MRPL13: variants seen among roughly 807,000 people sequenced by gnomAD.
MRPL13 encodes mitochondrial ribosomal protein L13, also known as large ribosomal subunit protein uL13m.
A neutral mutation model predicts 29.0 loss-of-function variants in MRPL13; 33 were observed. The observed-to-expected ratio is 1.14, with a 90% CI of 0.86 to 1.52. The LOEUF is 1.52. Among genes scored for constraint, MRPL13 ranks in the 40% most tolerant of loss-of-function variants. The probability of loss-of-function intolerance (pLI) is 0.00; values close to 1 mark genes in which losing one functional copy is unlikely to be tolerated. For synonymous variants in MRPL13, 77 were observed against 68.4 expected (o/e 1.13, Z -0.62); for missense variants, 227 against 216.7 (o/e 1.05, Z -0.30).
intron 6 of MRPL13, among the ~76,000 whole-genome samples, chr8:120,403,812 C>T (rs796680211): frequency 3.9e-5 from 6 of 152,202 alleles, no homozygotes; most frequent in African/African-American, 1.2e-4. Context: ...ACCCCATAGC[C>T]TACCTAAGAA....
intron 5 of MRPL13, among the ~76,000 whole-genome samples, chr8:120,419,224 T>C (rs931964463): frequency 1.4e-4 from 22 of 151,954 alleles, no homozygotes; most frequent in African/African-American, 5.3e-4. Flanking sequence ...AGTCAGTAAA[T>C]AATGGGGCAC....
intron 6 of MRPL13, among the ~76,000 whole-genome samples, chr8:120,410,715 C>T (rs906295711): frequency 6.6e-6 from 1 of 152,094 alleles, no homozygotes; most frequent in African/African-American, 2.4e-5. Context: ...TCAACAGTAG[C>T]TAATGTATTT....
At chr8:120,401,723 G>A (rs1812599673) in intron 6 of MRPL13, among the ~76,000 whole-genome samples, 1 of 152,148 alleles carries the variant, frequency 6.6e-6, no homozygotes, top group Non-Finnish European at 1.5e-5. Context: ...TCTGTTTGCA[G>A]ATGACATGAC....
chr8:120,422,591 T>C (rs1287813607), intron 4 of MRPL13, among the ~76,000 whole-genome samples: 3 of 148,376 alleles, frequency 2.0e-5, no homozygotes, highest in African/African-American at 7.3e-5. Flanking sequence ...TATATAAACA[T>C]ATATAAACAT....
intron 5 of MRPL13, chr8:120,415,700 T>C (rs1394727537): frequency 6.6e-6 from 1 of 152,164 alleles, no homozygotes. Context: ...TTTAACATCC[T>C]TTCTCCTATT....
In MRPL13 at chr8:120,424,092, C is replaced by T. The variant is rs966427571; in HGVS notation, c.306+1214G>A. On this transcript the variant is annotated intron_variant, in intron 4 of 6. Transcript: ENST00000306185. ...AATAAAAACATCTATAACAGAATAA[C>T]TTAGTAAAGTGTAAAAAATGAAATA... Among the ~76,000 whole-genome samples, 4 of 151,836 alleles carry T rather than the reference C, an allele frequency of 2.6e-5. No homozygotes were observed. In the South Asian group the frequency reaches 8.3e-4, roughly 31 times the overall value.
At position 120,445,052 on chromosome 8, in the gene MRPL13, A is replaced by G. The variant is rs747992225; in HGVS notation, c.27+16T>C. 13 of 1,613,672 alleles carry G rather than the reference A, an allele frequency of 8.1e-6. No individual in the cohort carries two copies. The highest frequency in any genetic ancestry group is 5.0e-5 in the Admixed American group (3 of 59,988). On this transcript the variant is annotated intron_variant, in intron 1 of 6. Coordinates refer to ENST00000306185, the MANE Select transcript of MRPL13 (RefSeq NM_014078.6). ...AGTATAATGAACCCCATCAAGCCATAAGAGTCCGAGCTCACCTGGGGCGCC... is the reference window on the plus strand; with the variant it reads ...AGTATAATGAACCCCATCAAGCCATGAGAGTCCGAGCTCACCTGGGGCGCC...
intron 3 of MRPL13, among the ~76,000 whole-genome samples, chr8:120,428,213 T>G (rs1050863922): frequency 5.3e-5 from 8 of 151,222 alleles, no homozygotes; most frequent in African/African-American, 1.9e-4. Context: ...TATTTGATCT[T>G]TGACAAACCT....
chr8:120,409,581 AT>A (rs1271735982), intron 6 of MRPL13, among the ~76,000 whole-genome samples: 2 of 152,204 alleles, frequency 1.3e-5, no homozygotes, highest in Non-Finnish European at 2.9e-5. Flanking sequence ...AAGAAAAAAA[AT>A]CTAAGTATAA....
chr8:120,396,265 GAAAA>G, intron 6 of MRPL13, 140 bp from the exon 7 acceptor site: 1 of 610,024 alleles, frequency 1.6e-6, no homozygotes, highest in East Asian at 3.1e-5. Flanking sequence ...AATTTTTGGT[GAAAA>G]AAAAACATTA....
rs376833020 is a variant in MRPL13, at chr8:120,405,290, A to G, written c.515+8701T>C. Among the ~76,000 whole-genome samples the G allele has an allele frequency of 2.6e-5, 4 of 152,210 alleles. No homozygotes were observed. The East Asian group carries it at 5.8e-4, about 22-fold the overall frequency. The stretch of plus-strand genomic sequence containing the variant: ...ACAAGCATACACACAACTTTTCTGT[A>G]TTGCTTATTCCTTTCCACTAAAACA... On this transcript the variant is annotated intron_variant, in intron 6 of 6. Coordinates refer to ENST00000306185, the MANE Select transcript of MRPL13 (RefSeq NM_014078.6).
chr8:120,420,351 T>C (rs1385877404), intron 4 of MRPL13, among the ~76,000 whole-genome samples: 1 of 150,958 alleles, frequency 6.6e-6, no homozygotes, highest in African/African-American at 2.4e-5. Flanking sequence ...AAAGCCTCAT[T>C]ACATGCAAAA....
chr8:120,422,328 G>C (rs868700568), intron 4 of MRPL13, among the ~76,000 whole-genome samples: 20 of 151,436 alleles, frequency 1.3e-4, no homozygotes, highest in Middle Eastern at 3.5e-3. Flanking sequence ...GTCTCTAATA[G>C]GAAAAACATG....
chr8:120,440,595 ACT>A (rs75630272), intron 2 of MRPL13, among the ~76,000 whole-genome samples: 11,968 of 135,226 alleles, frequency 0.089, 1,079 homozygotes, highest in East Asian at 0.18. Context: ...ACAAAGTGAG[ACT>A]CTCTCTCTCT....
intron 6 of MRPL13, among the ~76,000 whole-genome samples, chr8:120,408,435 T>G (rs1812702583): frequency 6.6e-6 from 1 of 152,216 alleles, no homozygotes. Flanking sequence ...AAAAGAACAG[T>G]ACAGCTTAGA....
intron 5 of MRPL13, among the ~76,000 whole-genome samples, chr8:120,416,418 T>C (rs1234191526): frequency 2.0e-5 from 3 of 151,998 alleles, no homozygotes; most frequent in Non-Finnish European, 2.9e-5. Context: ...GGCGTGAACC[T>C]AGGAGGCGGA....
intron 5 of MRPL13, among the ~76,000 whole-genome samples, chr8:120,416,249 C>A (rs983081186): frequency 2.0e-5 from 3 of 152,172 alleles, no homozygotes; most frequent in African/African-American, 7.2e-5. Flanking sequence ...AATCCCAGCA[C>A]TTTGGGAGGC....
rs745577862 is a variant in MRPL13, at chr8:120,400,737, TAAATA to T, written c.516-4617_516-4613del. The stretch of plus-strand genomic sequence containing the variant: ...ATAAATAAATAAATAAATAAATAAA[TAAATA>T]AAAAAAATAGACTGCTAGTTAGACT... On this transcript the variant is annotated intron_variant, in intron 6 of 6. Transcript: ENST00000306185. Among the ~76,000 whole-genome samples, 1,052 of 140,088 alleles carry T rather than the reference TAAATA, an allele frequency of 7.5e-3. 13 individuals carry two copies. Among genetic ancestry groups the T allele is most frequent in the African/African-American group, 0.026 (901 of 34,674 alleles). The allele number at this position is 140,088 out of a possible 152,430, so 91.9% of individuals were successfully genotyped here. A position where few individuals can be genotyped will look rare whatever the true frequency, so the allele number is the denominator to read the frequency against.
At chr8:120,429,642 T>A (rs1360654441) in intron 3 of MRPL13, among the ~76,000 whole-genome samples, 1 of 152,262 alleles carries the variant, frequency 6.6e-6, no homozygotes, top group South Asian at 2.1e-4. Context: ...AAATAATACT[T>A]ACAAAAAGGT....
Sources: allele counts gnomAD v4.1 joint callset (sites outside exome capture counted in the v4.1 genomes callset), GRCh38; gene constraint gnomAD v4.1.1; transcripts MANE v1.5; gene names NCBI Gene and HGNC (gene_info 2026-07-23, HGNC 2026-07-21).